The following PIGU variants were observed in gnomAD, a reference collection of about 807,000 sequenced individuals.
The protein encoded by PIGU is phosphatidylinositol glycan anchor biosynthesis class U.
In PIGU, 24 loss-of-function variants were observed where a neutral mutation model predicts 49.9. That is an observed-to-expected ratio of 0.48 (90% CI 0.35 to 0.68). The LOEUF (loss-of-function observed/expected upper bound fraction) is 0.68, where lower values mean the gene tolerates loss of function less well. PIGU is among the 30% of genes least tolerant of loss of function. The pLI is 0.01. For missense variants in PIGU, 490 were observed against 532.6 expected, an observed-to-expected ratio of 0.92 and a Z score of 0.79; for synonymous variants, 220 against 205.7, an observed-to-expected ratio of 1.07 and a Z score of -0.59.
At chr20:34,629,914 C>T (rs1242736241) in intron 6 of PIGU, among the ~76,000 whole-genome samples, 1 of 151,916 alleles carries the variant, frequency 6.6e-6, no homozygotes, top group African/African-American at 2.4e-5. Context: ...AACTTTAACA[C>T]AATAGTGAAA....
Position 34,589,104 on chromosome 20 carries a change from T to TACACAC in PIGU, c.628-503_628-498dup, listed in dbSNP as rs11469162. ...GATTATACCAAATAATACTATTATT[T>TACACAC]ACACACACACACACACACACACACA... On this transcript the variant is annotated intron_variant, in intron 7 of 11. Coordinates refer to ENST00000217446, the MANE Select transcript of PIGU (RefSeq NM_080476.5). Among the ~76,000 whole-genome samples, 205 of 146,040 alleles carry TACACAC rather than the reference T, an allele frequency of 1.4e-3. 1 individual carries two copies. Among genetic ancestry groups the TACACAC allele is most frequent in the South Asian group, 0.01 (44 of 4,396 alleles).
intron 1 of PIGU, among the ~76,000 whole-genome samples, chr20:34,661,452 G>T (rs776776673): frequency 1.3e-5 from 2 of 152,018 alleles, no homozygotes; most frequent in Non-Finnish European, 2.9e-5. Flanking sequence ...TTATAAGTGA[G>T]AATATGCTGT....
intron 4 of PIGU, among the ~76,000 whole-genome samples, chr20:34,642,437 C>CA (rs1986193709): frequency 6.7e-6 from 1 of 149,784 alleles, no homozygotes; most frequent in Non-Finnish European, 1.5e-5. Flanking sequence ...TGGTCTTAAG[C>CA]AAAAAATTGT....
In PIGU at chr20:34,655,004, CA is replaced by C. The variant is rs368336960; in HGVS notation, c.195+2175del. 4.3e-4 allele frequency among the ~76,000 whole-genome samples: 33 copies of C among 76,492 alleles called. 1 individual carries two copies. Among genetic ancestry groups the C allele is most frequent in the Admixed American group, 4.2e-4 (2 of 4,784 alleles). 50.2% of individuals were successfully genotyped at this position (76,492 alleles called of 152,430 possible). ...TGGGCGACAGAGCGAGACTCTGTCTCAAAAAAAAAAAAAAAATTAAGGCCAA... is the reference window on the plus strand; with the variant it reads ...TGGGCGACAGAGCGAGACTCTGTCTCAAAAAAAAAAAAAAATTAAGGCCAA... On this transcript the variant is annotated intron_variant, in intron 2 of 11. Transcript: ENST00000217446.
chr20:34,596,075 C>A (rs1206919184), intron 7 of PIGU, among the ~76,000 whole-genome samples: 1 of 152,164 alleles, frequency 6.6e-6, no homozygotes, highest in East Asian at 1.9e-4. Flanking sequence ...AGAAACCTGG[C>A]AGACACTAAC....
chr20:34,659,367 G>T (rs1174302284), intron 1 of PIGU, among the ~76,000 whole-genome samples: 5 of 141,320 alleles, frequency 3.5e-5, no homozygotes, highest in African/African-American at 1.4e-4. Context: ...CTGCCCGGCC[G>T]CCCCTACTGG....
At chr20:34,638,130 G>A in intron 4 of PIGU, 145 bp from the exon 5 acceptor site, 1 of 1,333,012 alleles carries the variant, frequency 7.5e-7, no homozygotes, top group Non-Finnish European at 9.7e-7. Context: ...CTCACACTCG[G>A]CCCTCCCCAT....
At chr20:34,657,949 ACCCTCT>A (rs1419048203) in intron 1 of PIGU, among the ~76,000 whole-genome samples, 5 of 149,250 alleles carry the variant, frequency 3.4e-5, no homozygotes, top group Non-Finnish European at 6.0e-5. Context: ...CCTCTCCCTC[ACCCTCT>A]CCCTCTCTCT....
chr20:34,570,439 C>T (rs568472656), intron 11 of PIGU, among the ~76,000 whole-genome samples: 1 of 113,588 alleles, frequency 8.8e-6, no homozygotes, highest in Non-Finnish European at 2.0e-5. Flanking sequence ...TTTTGAGACA[C>T]AGTCTCGCTC....
At chr20:34,674,452 A>T (rs1002423171) in intron 1 of PIGU, among the ~76,000 whole-genome samples, 1 of 152,172 alleles carries the variant, frequency 6.6e-6, no homozygotes, top group Non-Finnish European at 1.5e-5. Flanking sequence ...TAATTACCAA[A>T]CAACACTGTC....
rs1422363403 is a variant in PIGU at position 34,601,376 on chromosome 20, C to T, written c.628-12769G>A. Among the ~76,000 whole-genome samples the T allele has an allele frequency of 3.3e-5, 5 of 152,152 alleles. No homozygotes were observed. In the East Asian group the frequency reaches 9.6e-4, roughly 29 times the overall value. ...TCTATTTATAAAAACTGAACTTGCA[C>T]TTAATCTTGCAGGACTATTCCAGTT... On this transcript the variant is annotated intron_variant, in intron 7 of 11. Coordinates refer to ENST00000217446, the MANE Select transcript of PIGU (RefSeq NM_080476.5).
chr20:34,656,953 C>A (rs1409073085), intron 2 of PIGU, among the ~76,000 whole-genome samples: 1 of 152,184 alleles, frequency 6.6e-6, no homozygotes, highest in Non-Finnish European at 1.5e-5. Context: ...ATGGTAACTT[C>A]TACAGAAGCC....
chr20:34,631,721 CCATATATATATATATATATATATATA>C lies in PIGU; in HGVS notation c.529+2868_529+2893del, dbSNP rs1212975507. Among the ~76,000 whole-genome samples, 85 of 46,146 alleles carry C rather than the reference CCATATATATATATATATATATATATA, an allele frequency of 1.8e-3. 3 individuals carry two copies. Among genetic ancestry groups the C allele is most frequent in the African/African-American group, 5.1e-3 (84 of 16,468 alleles). 30.3% of individuals were successfully genotyped at this position (46,146 alleles called of 152,430 possible). On this transcript the variant is annotated intron_variant, in intron 6 of 11. Coordinates refer to ENST00000217446, the MANE Select transcript of PIGU (RefSeq NM_080476.5). ...GGTGCCAGCCACCATGTCCGGCTAACCATATATATATATATATATATATATATATATATATATATATATATATATAT... is the reference window on the plus strand; with the variant it reads ...GGTGCCAGCCACCATGTCCGGCTAACTATATATATATATATATATATATAT...
chr20:34,577,235 T>A (rs1983272492), intron 10 of PIGU, among the ~76,000 whole-genome samples: 1 of 152,242 alleles, frequency 6.6e-6, no homozygotes, highest in Non-Finnish European at 1.5e-5. Flanking sequence ...TCCCTTCTCT[T>A]CTCTGATACT....
chr20:34,577,545 G>A (rs543434715), intron 10 of PIGU, among the ~76,000 whole-genome samples: 119 of 152,176 alleles, frequency 7.8e-4, no homozygotes, highest in African/African-American at 2.7e-3. Context: ...GCAAAAACCC[G>A]TCTCTACTAA....
intron 7 of PIGU, among the ~76,000 whole-genome samples, chr20:34,598,087 A>G (rs1984270744): frequency 6.6e-6 from 1 of 152,200 alleles, no homozygotes; most frequent in Non-Finnish European, 1.5e-5. Context: ...GGGTAGTCAT[A>G]ACCTCTGAGG....
intron 10 of PIGU, among the ~76,000 whole-genome samples, chr20:34,579,610 C>T (rs962845466): frequency 6.6e-6 from 1 of 152,172 alleles, no homozygotes; most frequent in South Asian, 2.1e-4. Flanking sequence ...GTTCTCCAAG[C>T]ACGTGTACTC....
In PIGU at chr20:34,563,797, A is replaced by C. The variant is rs370598901; in HGVS notation, c.1195-2818T>G. On this transcript the variant is annotated intron_variant, in intron 11 of 11. Transcript: ENST00000217446. ...AGGAGCAGGGAAAGGGAAAAGAGTA[A>C]CTTTACAGTGGAGAGACCTGGCCAA... 3.3e-5 allele frequency among the ~76,000 whole-genome samples: 5 copies of C among 152,310 alleles called. No homozygotes were observed. In the South Asian group the frequency reaches 1.0e-3, roughly 32 times the overall value.
rs1213326486 is a variant in PIGU at position 34,560,942 on chromosome 20, C to T, written c.1232G>A (p.Arg411Gln). Residue 411 changes from arginine to glutamine, a missense_variant, in exon 12 of 12, where the codon CGG (arginine) becomes CAG (glutamine). Physicochemically the swap from Arg to Gln is conservative, Grantham distance 43 (BLOSUM62 1). Coordinates refer to ENST00000217446, the MANE Select transcript of PIGU (RefSeq NM_080476.5). ...GCCATGTGTGAGGTAGTACTCCCGCCGCAGGAAGGCATAGAAGTAATCAGA... is the reference window on the plus strand; with the variant it reads ...GCCATGTGTGAGGTAGTACTCCCGCTGCAGGAAGGCATAGAAGTAATCAGA... ...LISDYFYAFL[R>Q]REYYLTHGLY... 6.2e-6 allele frequency: 10 copies of T among 1,612,840 alleles called. No homozygotes were observed. The East Asian group carries it at 6.7e-5, about 11-fold the overall frequency.
Sources: gnomAD v4.1 joint callset for allele counts (sites outside exome capture counted in the v4.1 genomes callset) on GRCh38, gnomAD v4.1.1 for gene constraint, MANE v1.5 for transcripts, NCBI Gene and HGNC (gene_info 2026-07-23, HGNC 2026-07-21) for gene names.